The following ATXN7L1 variants were observed in gnomAD, a reference collection of about 807,000 sequenced individuals.
ATXN7L1 encodes the protein ataxin 7 like 1.
Under a neutral mutation model 70.8 loss-of-function variants are expected in ATXN7L1, and 15 were observed. The ratio of observed to expected loss-of-function variants is 0.21; its 90% CI spans 0.14 to 0.33. ATXN7L1 has a LOEUF of 0.33. Among genes scored for constraint, ATXN7L1 ranks in the 10% least tolerant of loss-of-function variants. ATXN7L1 has a pLI of 1.00. For missense variants in ATXN7L1, 975 were observed against 1,097.1 expected (o/e 0.89, Z 1.57); for synonymous variants, 440 against 445.1 (o/e 0.99, Z 0.14).
At chr7:105,836,964 A>G (rs540496432) in intron 2 of ATXN7L1, among the ~76,000 whole-genome samples, 1 of 152,154 alleles carries the variant, frequency 6.6e-6, no homozygotes, top group Non-Finnish European at 1.5e-5. Flanking sequence ...AGGCTGAGGC[A>G]GGAGAATCGC....
intron 3 of ATXN7L1, among the ~76,000 whole-genome samples, chr7:105,764,162 T>A (rs907830974): frequency 2.6e-5 from 4 of 152,108 alleles, no homozygotes; most frequent in African/African-American, 9.7e-5. Flanking sequence ...CTGTAGTTTT[T>A]AACTAAAAAC....
At chr7:105,684,328 T>C (rs1391201068) in intron 3 of ATXN7L1, among the ~76,000 whole-genome samples, 1 of 152,202 alleles carries the variant, frequency 6.6e-6, no homozygotes, top group Non-Finnish European at 1.5e-5. Flanking sequence ...CTTCTTAAAC[T>C]ATTCTTTACA....
At chr7:105,684,837 A>C (rs1395347391) in intron 3 of ATXN7L1, among the ~76,000 whole-genome samples, 1 of 152,216 alleles carries the variant, frequency 6.6e-6, no homozygotes, top group African/African-American at 2.4e-5. Flanking sequence ...ATATGGTTGT[A>C]CCGAACCATG....
At chr7:105,808,529 G>A (rs898511597) in intron 2 of ATXN7L1, among the ~76,000 whole-genome samples, 7 of 152,182 alleles carry the variant, frequency 4.6e-5, no homozygotes, top group African/African-American at 1.7e-4. Flanking sequence ...ATTATGGGAA[G>A]GAAGCATCAA....
At chr7:105,823,717 A>C (rs1339679628) in intron 2 of ATXN7L1, among the ~76,000 whole-genome samples, 2 of 152,212 alleles carry the variant, frequency 1.3e-5, no homozygotes, top group Non-Finnish European at 2.9e-5. Flanking sequence ...AGACAATGGA[A>C]ATGGGAGATA....
chr7:105,751,906 C>T (rs1393216716), intron 3 of ATXN7L1, among the ~76,000 whole-genome samples: 2 of 152,184 alleles, frequency 1.3e-5, no homozygotes, highest in African/African-American at 4.8e-5. Context: ...GGGCCTCCTT[C>T]GGTAGATAGC....
intron 3 of ATXN7L1, among the ~76,000 whole-genome samples, chr7:105,756,874 A>G (rs1440134891): frequency 6.6e-6 from 1 of 152,232 alleles, no homozygotes; most frequent in Non-Finnish European, 1.5e-5. Context: ...CGGCACCTAC[A>G]TGATGGACAA....
intron 3 of ATXN7L1, among the ~76,000 whole-genome samples, chr7:105,718,693 C>A (rs555144479): frequency 2.0e-5 from 3 of 152,216 alleles, no homozygotes; most frequent in Admixed American, 6.5e-5. Context: ...GAACCACCTT[C>A]GGCTTGGGGC....
At chr7:105,613,744 A>C (rs776228751) in intron 10 of ATXN7L1, 118 bp downstream of exon 10, 1 of 1,524,612 alleles carries the variant, frequency 6.6e-7, no homozygotes. Flanking sequence ...CCTTCGGGGA[A>C]AACGAGAACA....
chr7:105,731,160 T>C (rs1321431161), intron 3 of ATXN7L1, among the ~76,000 whole-genome samples: 2 of 152,188 alleles, frequency 1.3e-5, no homozygotes, highest in African/African-American at 4.8e-5. Flanking sequence ...TAAATGTACC[T>C]TCAGGCTATG....
intron 2 of ATXN7L1, among the ~76,000 whole-genome samples, chr7:105,857,100 C>T (rs1815851442): frequency 6.6e-6 from 1 of 152,188 alleles, no homozygotes; most frequent in East Asian, 1.9e-4. Context: ...TTAAGCTCTT[C>T]CTTCCCTGTA....
rs561100060 is a variant in ATXN7L1 at position 105,641,214 on chromosome 7, C to CTTTTTTTTTTTT, written c.862+1612_862+1623dup. ...GCCTTTTCTCTCTCTCTCTCTCTCT[C>CTTTTTTTTTTTT]TTTTTTTTTTTTTTTTTTTTTTTTT... On this transcript the variant is annotated intron_variant, in intron 5 of 11. Coordinates refer to ENST00000419735, the MANE Select transcript of ATXN7L1 (RefSeq NM_020725.2). Among the ~76,000 whole-genome samples, 17 of 21,792 alleles carry CTTTTTTTTTTTT rather than the reference C, an allele frequency of 7.8e-4. 1 individual carries two copies. Among genetic ancestry groups the CTTTTTTTTTTTT allele is most frequent in the African/African-American group, 1.8e-3 (11 of 6,054 alleles). The allele number at this position is 21,792 out of a possible 152,430, so 14.3% of individuals were successfully genotyped here.
At chr7:105,698,525 T>C (rs562631143) in intron 3 of ATXN7L1, among the ~76,000 whole-genome samples, 18 of 152,028 alleles carry the variant, frequency 1.2e-4, no homozygotes, top group African/African-American at 4.4e-4. Flanking sequence ...CCACCATGCC[T>C]AGCTAATTTT....
rs752881389 is a variant in ATXN7L1 at position 105,653,179 on chromosome 7, G to A, written c.579-10058C>T. Among the ~76,000 whole-genome samples, 5 of 152,184 alleles carry A rather than the reference G, an allele frequency of 3.3e-5. No individual in the cohort carries two copies. In the South Asian group the frequency reaches 8.3e-4, roughly 25 times the overall value. On this transcript the variant is annotated intron_variant, in intron 4 of 11. Transcript: ENST00000419735. ...ATCTCTATGTTAGCAATATCAGGCC[G>A]GGCATGGTGGCTCATCCCAGCACTT...
intron 2 of ATXN7L1, among the ~76,000 whole-genome samples, chr7:105,856,676 CAT>C (rs1411437961): frequency 6.6e-6 from 1 of 150,584 alleles, no homozygotes; most frequent in African/African-American, 2.4e-5. Context: ...GTATAATAAA[CAT>C]ATATTTCCAT....
intron 3 of ATXN7L1, among the ~76,000 whole-genome samples, chr7:105,775,830 G>A (rs1802647776): frequency 6.6e-6 from 1 of 152,180 alleles, no homozygotes; most frequent in African/African-American, 2.4e-5. Context: ...ATTTGGATGA[G>A]GGCGATGTGA....
intron 3 of ATXN7L1, among the ~76,000 whole-genome samples, chr7:105,779,619 T>G (rs1173949893): frequency 6.6e-6 from 1 of 152,152 alleles, no homozygotes; most frequent in East Asian, 1.9e-4. Flanking sequence ...TAACTGCACT[T>G]TACTAGGGAT....
At chr7:105,757,091 G>T (rs1257990333) in intron 3 of ATXN7L1, among the ~76,000 whole-genome samples, 1 of 152,080 alleles carries the variant, frequency 6.6e-6, no homozygotes, top group East Asian at 1.9e-4. Flanking sequence ...TCACGAAAGG[G>T]GCCAAAAAGA....
At chr7:105,799,436 G>C (rs984578320) in intron 2 of ATXN7L1, among the ~76,000 whole-genome samples, 7 of 152,038 alleles carry the variant, frequency 4.6e-5, no homozygotes, top group African/African-American at 1.7e-4. Context: ...CCTGAGACTA[G>C]AGTTCAGGAA....
Sources: allele counts gnomAD v4.1 joint callset (sites outside exome capture counted in the v4.1 genomes callset), GRCh38; gene constraint gnomAD v4.1.1; transcripts MANE v1.5; gene names NCBI Gene and HGNC (gene_info 2026-07-23, HGNC 2026-07-21).